ASIC2: variants seen among roughly 807,000 people sequenced by gnomAD.
ASIC2 encodes the protein acid-sensing ion channel 2.
A neutral mutation model predicts 57.3 loss-of-function variants in ASIC2; 25 were observed. That is an observed-to-expected ratio of 0.44 (90% CI 0.32 to 0.61). ASIC2 has a LOEUF of 0.61. ASIC2 is among the 20% of genes least tolerant of loss of function. The pLI is 0.06. For synonymous variants in ASIC2, 319 were observed against 307.5 expected, an observed-to-expected ratio of 1.04 and a Z score of -0.39; for missense variants, 641 against 738.1, an observed-to-expected ratio of 0.87 and a Z score of 1.52.
intron 1 of ASIC2, among the ~76,000 whole-genome samples, chr17:33,548,744 A>G (rs751966693): frequency 2.0e-5 from 3 of 151,698 alleles, no homozygotes; most frequent in African/African-American, 4.8e-5. Flanking sequence ...TGCCCATTCC[A>G]CTCTAGCCAT....
intron 1 of ASIC2, among the ~76,000 whole-genome samples, chr17:33,658,275 G>C (rs537364165): frequency 1.3e-5 from 2 of 152,218 alleles, no homozygotes; most frequent in Non-Finnish European, 2.9e-5. Context: ...GGATGATCTT[G>C]AGTGAGCCAG....
chr17:33,625,129 G>GTCTGTCTGTCTATCTA (rs1555548113), intron 1 of ASIC2, among the ~76,000 whole-genome samples: 133 of 146,442 alleles, frequency 9.1e-4, no homozygotes, highest in Non-Finnish European at 1.2e-3. Context: ...TGGCCTCTCT[G>GTCTGTCTGTCTATCTA]TCTATCTATC....
chr17:33,105,106 G>T (rs2141980880), intron 2 of ASIC2, among the ~76,000 whole-genome samples: 1 of 152,326 alleles, frequency 6.6e-6, no homozygotes, highest in Non-Finnish European at 1.5e-5. Context: ...CCTGGGACTT[G>T]TGTTTAGTGG....
chr17:33,185,857 C>T (rs977198693), intron 1 of ASIC2, among the ~76,000 whole-genome samples: 3 of 152,134 alleles, frequency 2.0e-5, no homozygotes, highest in Non-Finnish European at 4.4e-5. Flanking sequence ...ACACTCCAGG[C>T]TTCGGGTAGA....
chr17:33,910,119 A>G (rs1274613157), intron 1 of ASIC2, among the ~76,000 whole-genome samples: 1 of 152,244 alleles, frequency 6.6e-6, no homozygotes, highest in Non-Finnish European at 1.5e-5. Flanking sequence ...AATGTTGGCT[A>G]TTAATATTCA....
In ASIC2 at chr17:33,175,068, G is replaced by A. The variant is rs1260309953; in HGVS notation, c.709-63001C>T. Among the ~76,000 whole-genome samples, 8 of 152,178 alleles carry A rather than the reference G, an allele frequency of 5.3e-5. No homozygotes were observed. The East Asian group carries it at 1.2e-3, about 22-fold the overall frequency. ...TATAAATTGAAAAGTTCTTTCCGAC[G>A]AATAAAATTGTTCTTATTTCTAATG... is the stretch of plus-strand genomic sequence containing the variant. On this transcript the variant is annotated intron_variant, in intron 1 of 9. Transcript: ENST00000225823.
intron 1 of ASIC2, among the ~76,000 whole-genome samples, chr17:33,476,700 C>A (rs2141923750): frequency 6.6e-6 from 1 of 151,928 alleles, no homozygotes. Flanking sequence ...CCCTCAGGGA[C>A]AAATCGTTCA....
chr17:33,769,835 T>A lies in ASIC2; in HGVS notation c.555+386143A>T, dbSNP rs143183624. Among the ~76,000 whole-genome samples the A allele has an allele frequency of 1.4e-4, 22 of 152,318 alleles. No homozygotes were observed. The East Asian group carries it at 3.9e-3, about 27-fold the overall frequency. Reference sequence around the variant, plus strand: ...TCACTTCCTTGTGTGCGGATGGCCATCTTCTCACTGTGTCCTCACATGGTG... The same window carrying A: ...TCACTTCCTTGTGTGCGGATGGCCAACTTCTCACTGTGTCCTCACATGGTG... On this transcript the variant is annotated intron_variant, in intron 1 of 9. Coordinates refer to the ASIC2 transcript ENST00000359872.
intron 1 of ASIC2, among the ~76,000 whole-genome samples, chr17:34,126,154 C>T (rs1044919878): frequency 6.6e-6 from 1 of 152,192 alleles, no homozygotes; most frequent in Non-Finnish European, 1.5e-5. Flanking sequence ...CAGGGGAAGA[C>T]AGAGCCATTA....
intron 1 of ASIC2, among the ~76,000 whole-genome samples, chr17:34,147,723 G>T (rs1205006095): frequency 6.6e-6 from 1 of 152,120 alleles, no homozygotes; most frequent in African/African-American, 2.4e-5. Context: ...TGGCCTTGCT[G>T]GTCAAGGTAG....
chr17:34,086,985 CTT>C (rs1416396133), intron 1 of ASIC2, among the ~76,000 whole-genome samples: 1 of 152,156 alleles, frequency 6.6e-6, no homozygotes, highest in East Asian at 1.9e-4. Context: ...GGTCTTGACT[CTT>C]TATCCAATTT....
intron 1 of ASIC2, among the ~76,000 whole-genome samples, chr17:33,789,080 C>CAGTG (rs1911690994): frequency 2.0e-5 from 3 of 152,168 alleles, no homozygotes; most frequent in African/African-American, 7.2e-5. Context: ...GCTGCTCTTG[C>CAGTG]AGTGTAAGAC....
At chr17:33,294,250 G>A (rs1391718859), upstream of ASIC2, among the ~76,000 whole-genome samples, 3 of 152,182 alleles carry the variant, frequency 2.0e-5, no homozygotes, top group Non-Finnish European at 4.4e-5. Flanking sequence ...GAATTTGGTG[G>A]TGGAGGCAGT....
intron 3 of ASIC2, among the ~76,000 whole-genome samples, chr17:33,062,293 G>A (rs2092024129): frequency 6.6e-6 from 1 of 151,992 alleles, no homozygotes; most frequent in African/African-American, 2.4e-5. Context: ...TCTCTTGTGG[G>A]CATTTAGTGC....
chr17:33,641,435 A>C (rs1230099303), intron 1 of ASIC2, among the ~76,000 whole-genome samples: 1 of 152,112 alleles, frequency 6.6e-6, no homozygotes, highest in Non-Finnish European at 1.5e-5. Context: ...GTGTGTTCTC[A>C]TGCATGGTGG....
chr17:33,949,936 CAG>C (rs1246061640), intron 1 of ASIC2, among the ~76,000 whole-genome samples: 2 of 152,208 alleles, frequency 1.3e-5, no homozygotes, highest in African/African-American at 4.8e-5. Flanking sequence ...ACCTCCAAAT[CAG>C]AGTGTCCACT....
intron 1 of ASIC2, chr17:34,039,737 T>C (rs1908033393): frequency 1.9e-6 from 3 of 1,612,304 alleles, no homozygotes; most frequent in South Asian, 2.2e-5. Flanking sequence ...TCTTTATCAC[T>C]CAAGGATCCG....
chr17:33,730,399 G>C (rs945698706), intron 1 of ASIC2, among the ~76,000 whole-genome samples: 2 of 152,202 alleles, frequency 1.3e-5, no homozygotes, highest in African/African-American at 4.8e-5. Context: ...GAGTTACTGA[G>C]AAGTCAGAAC....
intron 1 of ASIC2, among the ~76,000 whole-genome samples, chr17:34,022,169 C>T (rs1197761903): frequency 1.3e-5 from 2 of 152,110 alleles, no homozygotes; most frequent in Non-Finnish European, 2.9e-5. Context: ...GCACCACTTC[C>T]CTGGGGCTTT....
Sources: gnomAD v4.1 joint callset for allele counts (sites outside exome capture counted in the v4.1 genomes callset) on GRCh38, gnomAD v4.1.1 for gene constraint, MANE v1.5 for transcripts, NCBI Gene and HGNC (gene_info 2026-07-23, HGNC 2026-07-21) for gene names.